The following CBX5 variants were observed in gnomAD, a reference collection of about 807,000 sequenced individuals.
The protein encoded by CBX5 is chromobox protein homolog 5.
Under a neutral mutation model 20.7 loss-of-function variants are expected in CBX5, and 7 were observed. That is an observed-to-expected ratio of 0.34 (90% CI 0.19 to 0.63). The LOEUF (loss-of-function observed/expected upper bound fraction) is 0.63. Among genes scored for constraint, CBX5 ranks in the 30% least tolerant of loss-of-function variants. CBX5 has a pLI of 0.75. For missense variants in CBX5, 110 were observed against 224.1 expected (o/e 0.49, Z 3.25); for synonymous variants, 78 against 77.0 (o/e 1.01, Z -0.07).
At chr12:54,277,059 G>A (rs1167932417) in intron 1 of CBX5, 2 of 152,170 alleles carry the variant, frequency 1.3e-5, no homozygotes, top group African/African-American at 2.4e-5. Context: ...CTGAGACAAG[G>A]TCTCACTCTG....
At chr12:54,276,358 C>A (rs977206138) in intron 1 of CBX5, among the ~76,000 whole-genome samples, 1 of 152,154 alleles carries the variant, frequency 6.6e-6, no homozygotes, top group Non-Finnish European at 1.5e-5. Context: ...TTACATTAGC[C>A]TACTGTTGGA....
chr12:54,248,252 G>A (rs1943757747), intron 3 of CBX5, among the ~76,000 whole-genome samples: 2 of 151,858 alleles, frequency 1.3e-5, no homozygotes, highest in African/African-American at 4.8e-5. Context: ...GCCTCCCAAA[G>A]TGCTGGGATT....
rs1026903688 is a variant in CBX5, at chr12:54,237,823, T to TA, written c.*3931dup. 23 of 152,230 alleles carry TA rather than the reference T, an allele frequency of 1.5e-4. No individual in the cohort carries two copies. The highest frequency in any genetic ancestry group is 2.7e-3 in the Middle Eastern group (1 of 372). The allele number at this position is 152,230 out of a possible 1,614,324, so 9.4% of individuals were successfully genotyped here. On this transcript the variant is annotated 3_prime_UTR_variant, in exon 5 of 5. Coordinates refer to ENST00000209875, the MANE Select transcript of CBX5 (RefSeq NM_012117.3). Reference sequence around the variant, plus strand: ...AGCAACAAAGAGGGCAACTGGAATTTAAAAAAAATTGTATTACTGAAAGTG... The same window carrying TA: ...AGCAACAAAGAGGGCAACTGGAATTTAAAAAAAAATTGTATTACTGAAAGTG...
intron 1 of CBX5, among the ~76,000 whole-genome samples, chr12:54,268,557 G>A (rs1943979213): frequency 6.6e-6 from 1 of 152,140 alleles, no homozygotes. Context: ...CTATGCCAAA[G>A]ATATGATTAA....
chr12:54,247,943 C>T (rs1285852590), intron 3 of CBX5, among the ~76,000 whole-genome samples: 5 of 151,570 alleles, frequency 3.3e-5, no homozygotes, highest in Admixed American at 6.6e-5. Context: ...TAGATTCAAG[C>T]GATTCTCCTG....
chr12:54,276,708 C>G (rs941033897), intron 1 of CBX5: 1 of 152,174 alleles, frequency 6.6e-6, no homozygotes, highest in Non-Finnish European at 1.5e-5. Context: ...GAAATCAGTT[C>G]AATGGAAATT....
intron 2 of CBX5, among the ~76,000 whole-genome samples, chr12:54,252,857 C>T (rs1943820766): frequency 6.6e-6 from 1 of 151,318 alleles, no homozygotes; most frequent in Non-Finnish European, 1.5e-5. Flanking sequence ...TGGTGGTACA[C>T]ATCTGTAGTC....
chr12:54,265,962 G>A (rs1943951785), intron 1 of CBX5, among the ~76,000 whole-genome samples: 1 of 151,850 alleles, frequency 6.6e-6, no homozygotes, highest in South Asian at 2.1e-4. Flanking sequence ...CAGGAGAAGC[G>A]CTTGAACCTG....
rs1012648511 is a variant in CBX5, at chr12:54,238,584, A to G, written c.*3171T>C. On this transcript the variant is annotated 3_prime_UTR_variant, in exon 5 of 5. Coordinates refer to ENST00000209875, the MANE Select transcript of CBX5 (RefSeq NM_012117.3). Reference sequence around the variant, plus strand: ...AAAATTATATTGTCTGAAAGACAATACAATTTTAGTACTGGGGGAAAAAAA... The same window carrying G: ...AAAATTATATTGTCTGAAAGACAATGCAATTTTAGTACTGGGGGAAAAAAA... 1.3e-5 allele frequency: 2 copies of G among 152,206 alleles called. No individual in the cohort carries two copies. Among genetic ancestry groups the G allele is most frequent in the African/African-American group, 4.8e-5 (2 of 41,424 alleles). The allele number at this position is 152,206 out of a possible 1,614,324, so 9.4% of individuals were successfully genotyped here.
intron 3 of CBX5, among the ~76,000 whole-genome samples, chr12:54,247,734 C>T (rs1046775591): frequency 7.2e-5 from 11 of 151,802 alleles, no homozygotes; most frequent in African/African-American, 1.5e-4. Context: ...AGTGCAGTGG[C>T]GCAATCTCAG....
At chr12:54,266,067 G>A (rs1023787266) in intron 1 of CBX5, among the ~76,000 whole-genome samples, 1 of 147,102 alleles carries the variant, frequency 6.8e-6, no homozygotes, top group Non-Finnish European at 1.5e-5. Context: ...AAAACCAGGC[G>A]AAACCTCCTA....
At chr12:54,247,854 T>C (rs1426051558) in intron 3 of CBX5, among the ~76,000 whole-genome samples, 2 of 151,518 alleles carry the variant, frequency 1.3e-5, no homozygotes, top group Admixed American at 6.6e-5. Flanking sequence ...TTTTTTTTTT[T>C]TTTTGAGACA....
intron 1 of CBX5, chr12:54,277,002 C>A (rs1029678873): frequency 1.3e-5 from 2 of 152,166 alleles, no homozygotes; most frequent in Admixed American, 1.3e-4. Flanking sequence ...TGCAATCAAT[C>A]GTATGTGTAA....
chr12:54,274,956 CA>C (rs1437279195), intron 1 of CBX5, among the ~76,000 whole-genome samples: 1 of 151,102 alleles, frequency 6.6e-6, no homozygotes, highest in Non-Finnish European at 1.5e-5. Flanking sequence ...AAACAAATCT[CA>C]ATAGAAACAA....
chr12:54,250,732 G>A (rs957989987), intron 3 of CBX5, among the ~76,000 whole-genome samples: 1 of 135,316 alleles, frequency 7.4e-6, no homozygotes, highest in African/African-American at 2.8e-5. Flanking sequence ...GTGAACCCGG[G>A]AGGCAGAGCT....
chr12:54,275,404 G>T (rs1353049403), intron 1 of CBX5, among the ~76,000 whole-genome samples: 2 of 151,916 alleles, frequency 1.3e-5, no homozygotes, highest in Non-Finnish European at 2.9e-5. Context: ...ACCACGCCCG[G>T]CTAATTTTTT....
rs1276839026 is a variant in CBX5, at chr12:54,243,977, G to C, written c.426-2072C>G. On this transcript the variant is annotated intron_variant, in intron 4 of 4. Coordinates refer to ENST00000209875, the MANE Select transcript of CBX5 (RefSeq NM_012117.3). The stretch of plus-strand genomic sequence containing the variant: ...TAATTTACCAGCAGTACTCTCATCA[G>C]ATAAAATGTTAAGCCTTTTGATTAT... Among the ~76,000 whole-genome samples the C allele has an allele frequency of 2.0e-5, 3 of 152,036 alleles. No homozygotes were observed. In the East Asian group the frequency reaches 5.8e-4, roughly 29 times the overall value.
At chr12:54,274,903 G>T (rs377516523) in intron 1 of CBX5, among the ~76,000 whole-genome samples, 1 of 152,094 alleles carries the variant, frequency 6.6e-6, no homozygotes, top group African/African-American at 2.4e-5. Flanking sequence ...TCACGCCACT[G>T]CACTCTAGCC....
chr12:54,250,623 G>C (rs1263178539), intron 3 of CBX5, among the ~76,000 whole-genome samples: 2 of 148,044 alleles, frequency 1.4e-5, no homozygotes, highest in Non-Finnish European at 3.0e-5. Context: ...GGCTAACAAG[G>C]TGAAACCCCG....
Sources: allele counts gnomAD v4.1 joint callset (sites outside exome capture counted in the v4.1 genomes callset), GRCh38; gene constraint gnomAD v4.1.1; transcripts MANE v1.5; gene names NCBI Gene and HGNC (gene_info 2026-07-23, HGNC 2026-07-21).